Variants in A1CF observed in about 807,000 individuals in gnomAD.
A1CF encodes APOBEC-1 stimulating protein.
Under a neutral mutation model 68.9 loss-of-function variants are expected in A1CF, and 48 were observed. That is an observed-to-expected ratio of 0.70 (90% CI 0.55 to 0.89). A1CF has a LOEUF of 0.89. Ranked by LOEUF, A1CF falls within the 40% of genes least tolerant of loss-of-function variation. A1CF has a pLI of 0.00. For synonymous variants in A1CF, 272 were observed against 260.4 expected (o/e 1.04, Z -0.43); for missense variants, 653 against 718.9 (o/e 0.91, Z 1.05).
chr10:50,839,661 CTT>C (rs1189864516), intron 5 of A1CF, among the ~76,000 whole-genome samples: 4 of 152,316 alleles, frequency 2.6e-5, no homozygotes, highest in African/African-American at 7.2e-5. Context: ...CTCCAAGACT[CTT>C]TTCTAGAATC....
At chr10:50,835,358 C>A (rs1162873425) in intron 6 of A1CF, among the ~76,000 whole-genome samples, 2 of 152,080 alleles carry the variant, frequency 1.3e-5, no homozygotes, top group South Asian at 2.1e-4. Flanking sequence ...GAGAAAAGTT[C>A]ATTCCAGTGT....
At chr10:50,838,941 A>C (rs1564513743) in intron 5 of A1CF, among the ~76,000 whole-genome samples, 1 of 152,122 alleles carries the variant, frequency 6.6e-6, no homozygotes, top group African/African-American at 2.4e-5. Context: ...AATTTCTGTC[A>C]TATTTTTCCT....
At chr10:50,866,267 G>T (rs539599822) in intron 1 of A1CF, among the ~76,000 whole-genome samples, 15 of 152,272 alleles carry the variant, frequency 9.9e-5, no homozygotes, top group African/African-American at 3.1e-4. Flanking sequence ...AAAATATAAA[G>T]TTGATATTTG....
chr10:50,822,605 G>C (rs1838729777), intron 7 of A1CF: 1 of 152,148 alleles, frequency 6.6e-6, no homozygotes. Flanking sequence ...CCCTTCAACA[G>C]TCGACCCTTG....
chr10:50,804,461 G>A lies in A1CF; in HGVS notation c.*2268C>T, dbSNP rs1214310297. The A allele has an allele frequency of 6.6e-6, 1 of 152,116 alleles. No homozygotes were observed. The highest frequency in any genetic ancestry group is 2.4e-5 in the African/African-American group (1 of 41,436). The allele number at this position is 152,116 out of a possible 1,614,324, so 9.4% of individuals were successfully genotyped here. On this transcript the variant is annotated 3_prime_UTR_variant, in exon 13 of 13. Coordinates refer to ENST00000373997, the MANE Select transcript of A1CF (RefSeq NM_014576.4). ...TTTGCAAAGATTTTAAGGAAAATCA[G>A]AACTTTTGCTCCTAGAATTTGGAAT... is the stretch of plus-strand genomic sequence containing the variant.
intron 12 of A1CF, among the ~76,000 whole-genome samples, chr10:50,808,493 A>G (rs1837939932): frequency 6.6e-6 from 1 of 152,230 alleles, no homozygotes; most frequent in Admixed American, 6.5e-5. Context: ...CAGGGGCTCA[A>G]CTTTCTCTAG....
At chr10:50,854,096 C>G (rs1368519787) in intron 3 of A1CF, among the ~76,000 whole-genome samples, 4 of 151,534 alleles carry the variant, frequency 2.6e-5, no homozygotes, top group Non-Finnish European at 5.9e-5. Context: ...TTTTTTAACT[C>G]CTGACTGACC....
intron 1 of A1CF, among the ~76,000 whole-genome samples, chr10:50,875,896 A>T (rs1385993319): frequency 6.6e-6 from 1 of 152,198 alleles, no homozygotes; most frequent in Admixed American, 6.5e-5. Context: ...AGAAAGAAAC[A>T]GTTCAGCCCC....
At position 50,802,415 on chromosome 10, in the gene A1CF, T is replaced by C. The variant is rs545755151; in HGVS notation, c.*4314A>G. On this transcript the variant is annotated 3_prime_UTR_variant, in exon 13 of 13. Coordinates refer to ENST00000373997, the MANE Select transcript of A1CF (RefSeq NM_014576.4). ...TATACAAAATCTTAAGTTATCCTAT[T>C]AACATTTTCTTTTTAAAAATATTTA... 2.0e-5 allele frequency: 3 copies of C among 152,344 alleles called. No homozygotes were observed. The highest frequency in any genetic ancestry group is 3.4e-3 in the Middle Eastern group (1 of 294). The allele number at this position is 152,344 out of a possible 1,614,324, so 9.4% of individuals were successfully genotyped here. A position where few individuals can be genotyped will look rare whatever the true frequency, so the allele number is the denominator to read the frequency against.
At chr10:50,878,173 A>T (rs1841603792) in intron 1 of A1CF, among the ~76,000 whole-genome samples, 1 of 152,120 alleles carries the variant, frequency 6.6e-6, no homozygotes, top group Admixed American at 6.6e-5. Flanking sequence ...TCAGGGAGAG[A>T]CTGTTTCAAA....
intron 1 of A1CF, among the ~76,000 whole-genome samples, chr10:50,877,909 T>C (rs1170038098): frequency 6.6e-6 from 1 of 152,028 alleles, no homozygotes; most frequent in Non-Finnish European, 1.5e-5. Flanking sequence ...GATCACGAGG[T>C]CAGGAGATCG....
At chr10:50,824,192 G>C (rs1838810895) in intron 7 of A1CF, 1 of 152,112 alleles carries the variant, frequency 6.6e-6, no homozygotes, top group Non-Finnish European at 1.5e-5. Context: ...GAGAAAGTGA[G>C]AGAGTGAGCA....
intron 2 of A1CF, chr10:50,862,851 G>A (rs1020329779): frequency 1.8e-4 from 28 of 152,316 alleles, no homozygotes; most frequent in Admixed American, 3.3e-4. Context: ...GGAGGCTGTG[G>A]ATGGGGTCTG....
chr10:50,885,013 A>G (rs1841940970), intron 1 of A1CF, among the ~76,000 whole-genome samples: 1 of 152,232 alleles, frequency 6.6e-6, no homozygotes. Flanking sequence ...TTTTGGTCAG[A>G]ATCAAAAGTG....
intron 8 of A1CF, among the ~76,000 whole-genome samples, chr10:50,818,983 A>G (rs1234843927): frequency 6.6e-6 from 1 of 152,194 alleles, no homozygotes; most frequent in Non-Finnish European, 1.5e-5. Flanking sequence ...TTGTGATTGC[A>G]TTTAGCCAAT....
intron 1 of A1CF, among the ~76,000 whole-genome samples, chr10:50,879,602 G>A (rs1213826032): frequency 6.6e-6 from 1 of 152,104 alleles, no homozygotes; most frequent in South Asian, 2.1e-4. Flanking sequence ...TGACAGCAGG[G>A]GAGAGAAGTA....
intron 3 of A1CF, among the ~76,000 whole-genome samples, chr10:50,849,880 G>A (rs1225825598): frequency 3.9e-5 from 5 of 128,756 alleles, no homozygotes; most frequent in Non-Finnish European, 7.8e-5. Context: ...TGCAAGCTCC[G>A]CCTCCTGGCT....
chr10:50,881,414 G>A (rs1212045454), intron 1 of A1CF, among the ~76,000 whole-genome samples: 1 of 152,136 alleles, frequency 6.6e-6, no homozygotes, highest in East Asian at 1.9e-4. Flanking sequence ...AATCAGATTT[G>A]TACAATTGGA....
At chr10:50,825,494 A>G (rs1235556250) in intron 7 of A1CF, among the ~76,000 whole-genome samples, 1 of 152,212 alleles carries the variant, frequency 6.6e-6, no homozygotes, top group Admixed American at 6.5e-5. Flanking sequence ...GAAGAAATTC[A>G]TTTAATTTTG....
Sources: gnomAD v4.1 joint callset for allele counts (sites outside exome capture counted in the v4.1 genomes callset) on GRCh38, gnomAD v4.1.1 for gene constraint, MANE v1.5 for transcripts, NCBI Gene and HGNC (gene_info 2026-07-23, HGNC 2026-07-21) for gene names.